The following STX3 variants were observed in gnomAD, a reference collection of about 807,000 sequenced individuals.
STX3 encodes the protein syntaxin 3, also known as syntaxin-3.
In STX3, 19 loss-of-function variants were observed where a neutral mutation model predicts 40.2. The observed-to-expected ratio is 0.47, with a 90% CI of 0.33 to 0.69. The LOEUF is 0.69. Ranked by LOEUF, STX3 falls within the 30% of genes least tolerant of loss-of-function variation. The pLI, the probability that STX3 is intolerant of heterozygous loss-of-function variation, is 0.02. For synonymous variants in STX3, 122 were observed against 132.2 expected (o/e 0.92, Z 0.53); for missense variants, 364 against 366.7 (o/e 0.99, Z 0.06).
At chr11:59,763,868 A>T (rs941581060) in intron 1 of STX3, among the ~76,000 whole-genome samples, 4 of 152,166 alleles carry the variant, frequency 2.6e-5, no homozygotes, top group African/African-American at 4.8e-5. Flanking sequence ...AAAATACAAA[A>T]TTAGCAGGGC....
intron 8 of STX3, among the ~76,000 whole-genome samples, chr11:59,793,785 A>G (rs1467518478): frequency 6.7e-6 from 1 of 148,692 alleles, no homozygotes; most frequent in Non-Finnish European, 1.5e-5. Flanking sequence ...TCTGTCAAGT[A>G]CCCAGTTTTC....
chr11:59,785,862 T>C (rs1864728957), intron 2 of STX3, among the ~76,000 whole-genome samples: 1 of 152,220 alleles, frequency 6.6e-6, no homozygotes, highest in African/African-American at 2.4e-5. Context: ...CTACAGGTGC[T>C]GAGGTCTCTC....
rs542244751 is a variant in STX3 at position 59,771,510 on chromosome 11, A to T, written c.31-1701A>T. On this transcript the variant is annotated intron_variant, in intron 1 of 10. Coordinates refer to ENST00000337979, the MANE Select transcript of STX3 (RefSeq NM_004177.5). The stretch of plus-strand genomic sequence containing the variant: ...GGTGTCGAAAGTTTGTGCAAAGTGC[A>T]GTGGGAGCTTAGGGAGGTTTTAACT... Among the ~76,000 whole-genome samples, 3 of 151,490 alleles carry T rather than the reference A, an allele frequency of 2.0e-5. No homozygotes were observed. The East Asian group carries it at 5.9e-4, about 30-fold the overall frequency.
chr11:59,778,200 A>C (rs2134953118), intron 2 of STX3, among the ~76,000 whole-genome samples: 1 of 152,298 alleles, frequency 6.6e-6, no homozygotes, highest in African/African-American at 2.4e-5. Context: ...AGCGGTACAT[A>C]GGTCCCACCT....
At chr11:59,779,737 A>G (rs1410243343) in intron 2 of STX3, among the ~76,000 whole-genome samples, 1 of 152,118 alleles carries the variant, frequency 6.6e-6, no homozygotes, top group Non-Finnish European at 1.5e-5. Context: ...TAGGGTGGAT[A>G]AATTGTGGGC....
At chr11:59,766,800 C>A (rs1863305200) in intron 1 of STX3, among the ~76,000 whole-genome samples, 1 of 152,322 alleles carries the variant, frequency 6.6e-6, no homozygotes, top group Middle Eastern at 3.4e-3. Flanking sequence ...AGCTTGAGCC[C>A]TGTTTCGGCA....
intron 5 of STX3, among the ~76,000 whole-genome samples, chr11:59,791,164 T>C (rs1865132705): frequency 6.6e-6 from 1 of 152,164 alleles, no homozygotes; most frequent in Non-Finnish European, 1.5e-5. Flanking sequence ...TTCCCCTCTC[T>C]GAGAGGCACA....
In STX3 at chr11:59,757,151, C is replaced by T. The variant is rs72931235; in HGVS notation, c.30+1516C>T. On this transcript the variant is annotated intron_variant, in intron 1 of 10. Transcript: ENST00000337979. ...GTTTTTATAGATGGGGAAACTGCTG[C>T]TCACGGGGTAGGAGGGATGCTCCAG... Among the ~76,000 whole-genome samples, 162 of 152,284 alleles carry T rather than the reference C, an allele frequency of 1.1e-3. 1 individual carries two copies. The highest frequency in any genetic ancestry group is 3.4e-3 in the Middle Eastern group (1 of 294).
At chr11:59,796,972 A>T (rs1274462022) in intron 9 of STX3, among the ~76,000 whole-genome samples, 3 of 152,152 alleles carry the variant, frequency 2.0e-5, no homozygotes, top group Admixed American at 2.0e-4. Flanking sequence ...TGAGCTGAGC[A>T]TGGTGGTGCA....
At chr11:59,791,862 C>T (rs1865188037) in intron 5 of STX3, among the ~76,000 whole-genome samples, 2 of 152,124 alleles carry the variant, frequency 1.3e-5, no homozygotes, top group Admixed American at 1.3e-4. Flanking sequence ...TGACCTCTGG[C>T]CTCGCAATTA....
chr11:59,799,793 C>A lies in STX3; in HGVS notation c.*31-1062C>A, dbSNP rs1029584627. ...TAAGCAACAGTGAGATGAACAACCT[C>A]TCATAGACAGGTGGTTGGTTGATTT... On this transcript the variant is annotated intron_variant, in intron 10 of 10. Transcript: ENST00000337979. 16 of 985,258 alleles carry A rather than the reference C, an allele frequency of 1.6e-5. No homozygotes were observed. In the South Asian group the frequency reaches 2.8e-4, roughly 17 times the overall value. 61.0% of individuals were successfully genotyped at this position (985,258 alleles called of 1,614,324 possible). A position where few individuals can be genotyped will look rare whatever the true frequency, so the allele number is the denominator to read the frequency against.
At position 59,804,321 on chromosome 11, in the gene STX3, GT is replaced by G. The variant is rs1866001239; in HGVS notation, c.*3500del. ...CTCCAGTAGTAGTCTTAAAAGTGAA[GT>G]TTATCTAAGGATAAGCACATGCCTA... is the stretch of plus-strand genomic sequence containing the variant. On this transcript the variant is annotated 3_prime_UTR_variant, in exon 11 of 11. Coordinates refer to ENST00000337979, the MANE Select transcript of STX3 (RefSeq NM_004177.5). The G allele has an allele frequency of 6.6e-6, 1 of 152,208 alleles. No homozygotes were observed. The highest frequency in any genetic ancestry group is 1.5e-5 in the Non-Finnish European group (1 of 68,046). 9.4% of individuals were successfully genotyped at this position (152,208 alleles called of 1,614,324 possible).
chr11:59,779,654 A>G (rs768405089), intron 2 of STX3, among the ~76,000 whole-genome samples: 1 of 152,202 alleles, frequency 6.6e-6, no homozygotes, highest in Non-Finnish European at 1.5e-5. Context: ...ACAGTGATGA[A>G]TATCAAGTAG....
intron 1 of STX3, among the ~76,000 whole-genome samples, chr11:59,772,486 T>C (rs1254033222): frequency 1.3e-5 from 2 of 151,960 alleles, no homozygotes; most frequent in African/African-American, 2.4e-5. Context: ...TGACAGGGAG[T>C]GACATAGCAT....
intron 2 of STX3, among the ~76,000 whole-genome samples, chr11:59,777,379 G>A (rs560493053): frequency 2.6e-5 from 4 of 152,308 alleles, no homozygotes; most frequent in South Asian, 4.1e-4. Context: ...ATGCACCACT[G>A]CAAAGTGATG....
intron 10 of STX3, among the ~76,000 whole-genome samples, chr11:59,798,017 C>G (rs910011160): frequency 2.0e-5 from 3 of 152,150 alleles, no homozygotes; most frequent in African/African-American, 7.2e-5. Context: ...GAAACTCAGT[C>G]AAAGAGAATG....
At chr11:59,800,323 T>A (rs1445160387) in intron 10 of STX3, 2 of 985,248 alleles carry the variant, frequency 2.0e-6, no homozygotes, top group African/African-American at 3.5e-5. Flanking sequence ...TCTAAGATCA[T>A]AGTATCCTCA....
intron 2 of STX3, among the ~76,000 whole-genome samples, chr11:59,780,903 A>G (rs528127889): frequency 2.2e-4 from 34 of 152,322 alleles, no homozygotes; most frequent in African/African-American, 8.2e-4. Flanking sequence ...ACTTGAGATT[A>G]TTGTCTCAGA....
At chr11:59,764,579 ACTT>A (rs1863193427) in intron 1 of STX3, among the ~76,000 whole-genome samples, 1 of 152,156 alleles carries the variant, frequency 6.6e-6, no homozygotes, top group Admixed American at 6.5e-5. Context: ...GGTTAATCCA[ACTT>A]AGTTTTATGG....
Sources: allele counts gnomAD v4.1 joint callset (sites outside exome capture counted in the v4.1 genomes callset), GRCh38; gene constraint gnomAD v4.1.1; transcripts MANE v1.5; gene names NCBI Gene and HGNC (gene_info 2026-07-23, HGNC 2026-07-21).